Variants in WDR70 observed in about 807,000 individuals in gnomAD.
WDR70 encodes WD repeat domain 70.
A neutral mutation model predicts 88.6 loss-of-function variants in WDR70; 53 were observed. That is an observed-to-expected ratio of 0.60 (90% CI 0.48 to 0.75). WDR70 has a LOEUF of 0.75. Among genes scored for constraint, WDR70 ranks in the 30% least tolerant of loss-of-function variants. The probability of loss-of-function intolerance (pLI) is 0.00; values close to 1 mark genes in which losing one functional copy is unlikely to be tolerated. For missense variants in WDR70, 610 were observed against 823.2 expected (o/e 0.74, Z 3.17); for synonymous variants, 280 against 270.0 (o/e 1.04, Z -0.36).
intron 6 of WDR70, among the ~76,000 whole-genome samples, 168 bp downstream of exon 6, chr5:37,438,149 C>T (rs1164139371): frequency 6.6e-6 from 1 of 152,076 alleles, no homozygotes; most frequent in Non-Finnish European, 1.5e-5. Flanking sequence ...TCAAAATAGC[C>T]ATTTCCTTTT....
intron 7 of WDR70, 66 bp from the exon 8 acceptor site, chr5:37,479,768 T>C: frequency 6.6e-7 from 1 of 1,505,642 alleles, no homozygotes; most frequent in Non-Finnish European, 9.0e-7. Flanking sequence ...CTGGCAATAC[T>C]TAATGTAGTA....
intron 5 of WDR70, among the ~76,000 whole-genome samples, chr5:37,419,387 G>T (rs1749870015): frequency 6.6e-6 from 1 of 150,786 alleles, no homozygotes; most frequent in Non-Finnish European, 1.5e-5. Flanking sequence ...TGTATTTTTA[G>T]TAGAGACGGG....
At chr5:37,634,344 T>C (rs1279240404) in intron 10 of WDR70, among the ~76,000 whole-genome samples, 1 of 151,532 alleles carries the variant, frequency 6.6e-6, no homozygotes, top group East Asian at 1.9e-4. Flanking sequence ...CTAGTGCATA[T>C]TTTGTGTTTC....
intron 10 of WDR70, among the ~76,000 whole-genome samples, chr5:37,626,711 G>A (rs977601736): frequency 2.6e-5 from 4 of 152,114 alleles, no homozygotes; most frequent in African/African-American, 9.7e-5. Flanking sequence ...CTTCTTTAAA[G>A]GTTTGGTAGA....
At chr5:37,699,774 C>A (rs1464875708) in intron 11 of WDR70, among the ~76,000 whole-genome samples, 3 of 151,722 alleles carry the variant, frequency 2.0e-5, no homozygotes, top group Non-Finnish European at 1.5e-5. Flanking sequence ...ATGATGAAAC[C>A]CTGTCTCTAC....
rs563429536 is a variant in WDR70 at position 37,389,281 on chromosome 5, C to A, written c.176-2719C>A. On this transcript the variant is annotated intron_variant, in intron 3 of 17. Transcript: ENST00000265107. ...CTAATTTTTTGTATTTTAGTAGAGA[C>A]AGGGTTTCACCTGTCGAGACCAGGC... 1.4e-3 allele frequency among the ~76,000 whole-genome samples: 186 copies of A among 136,110 alleles called. 7 individuals are homozygous for A. The highest frequency in any genetic ancestry group is 6.6e-3 in the African/African-American group (178 of 26,876). The allele number at this position is 136,110 out of a possible 152,430, so 89.3% of individuals were successfully genotyped here. A position where few individuals can be genotyped will look rare whatever the true frequency, so the allele number is the denominator to read the frequency against.
chr5:37,635,371 G>A (rs965833604), intron 10 of WDR70, among the ~76,000 whole-genome samples: 5 of 152,144 alleles, frequency 3.3e-5, no homozygotes, highest in Non-Finnish European at 7.3e-5. Flanking sequence ...AAAACTAGCT[G>A]TTTAAGGTAA....
intron 10 of WDR70, among the ~76,000 whole-genome samples, chr5:37,686,597 G>A (rs528934112): frequency 7.2e-4 from 109 of 151,884 alleles, no homozygotes; most frequent in Non-Finnish European, 1.4e-3. Flanking sequence ...AACCAGCCAG[G>A]CGTGGTGGCT....
chr5:37,686,148 A>G (rs543892276), intron 10 of WDR70, among the ~76,000 whole-genome samples: 71 of 147,456 alleles, frequency 4.8e-4, no homozygotes, highest in African/African-American at 1.8e-3. Context: ...CCCCAGCTCT[A>G]CAAAATAAAA....
At chr5:37,467,587 A>T (rs1210073697) in intron 7 of WDR70, among the ~76,000 whole-genome samples, 1 of 148,802 alleles carries the variant, frequency 6.7e-6, no homozygotes, top group Non-Finnish European at 1.5e-5. Context: ...CCCAGGCTGG[A>T]GTGCAGTGGC....
intron 10 of WDR70, among the ~76,000 whole-genome samples, chr5:37,618,169 A>G (rs1465407711): frequency 6.6e-6 from 1 of 152,212 alleles, no homozygotes; most frequent in Non-Finnish European, 1.5e-5. Context: ...ACTTCAGTTT[A>G]AAATATATCC....
chr5:37,380,476 C>G (rs1296580485), intron 2 of WDR70, among the ~76,000 whole-genome samples: 1 of 151,928 alleles, frequency 6.6e-6, no homozygotes, highest in African/African-American at 2.4e-5. Flanking sequence ...GTAGCTGGGA[C>G]TACAGGCGCC....
At chr5:37,481,129 C>A (rs1250459139) in intron 8 of WDR70, among the ~76,000 whole-genome samples, 1 of 152,202 alleles carries the variant, frequency 6.6e-6, no homozygotes, top group African/African-American at 2.4e-5. Context: ...AGGGTACAGC[C>A]CCCCTTCTGG....
At chr5:37,436,487 A>G (rs572537117) in intron 5 of WDR70, among the ~76,000 whole-genome samples, 1 of 152,258 alleles carries the variant, frequency 6.6e-6, no homozygotes, top group South Asian at 2.1e-4. Flanking sequence ...GAGGAGATAA[A>G]TAGTTACCAT....
intron 7 of WDR70, among the ~76,000 whole-genome samples, chr5:37,475,320 C>A (rs1739447158): frequency 6.6e-6 from 1 of 152,134 alleles, no homozygotes; most frequent in South Asian, 2.1e-4. Context: ...CCACAACCTC[C>A]ACCTCCCAGG....
chr5:37,460,602 A>T (rs1419687826), intron 7 of WDR70, among the ~76,000 whole-genome samples: 2 of 59,066 alleles, frequency 3.4e-5, no homozygotes, highest in Non-Finnish European at 8.8e-5. Flanking sequence ...ATGACACGTT[A>T]GTGGGTGCAG....
Position 37,446,635 on chromosome 5 carries a change from A to G in WDR70, c.686+3263A>G, listed in dbSNP as rs546863297. Among the ~76,000 whole-genome samples the G allele has an allele frequency of 1.1e-4, 16 of 152,278 alleles. No homozygotes were observed. In the South Asian group the frequency reaches 3.1e-3, roughly 30 times the overall value. On this transcript the variant is annotated intron_variant, in intron 7 of 17. Coordinates refer to ENST00000265107, the MANE Select transcript of WDR70 (RefSeq NM_018034.4). ...GAACAGAGCCCTCAGAAATAATACC[A>G]CACATCTACAACCATCTGATCTTTG...
chr5:37,563,186 C>A (rs866040373), intron 9 of WDR70, among the ~76,000 whole-genome samples: 1 of 59,550 alleles, frequency 1.7e-5, no homozygotes, highest in Admixed American at 1.9e-4. Flanking sequence ...CTGACCCCCC[C>A]ACCTCCCTCC....
At chr5:37,567,171 T>G (rs1455498390) in intron 9 of WDR70, among the ~76,000 whole-genome samples, 1 of 152,062 alleles carries the variant, frequency 6.6e-6, no homozygotes, top group Non-Finnish European at 1.5e-5. Flanking sequence ...ATACCTGGAG[T>G]CTGGATCAAC....
Sources: allele counts gnomAD v4.1 joint callset (sites outside exome capture counted in the v4.1 genomes callset), GRCh38; gene constraint gnomAD v4.1.1; transcripts MANE v1.5; gene names NCBI Gene and HGNC (gene_info 2026-07-23, HGNC 2026-07-21).